The following RAB11FIP4 variants were observed in gnomAD, a reference collection of about 807,000 sequenced individuals.
The protein encoded by RAB11FIP4 is rab11 family-interacting protein 4.
A neutral mutation model predicts 74.3 loss-of-function variants in RAB11FIP4; 23 were observed. The ratio of observed to expected loss-of-function variants is 0.31; its 90% confidence interval spans 0.22 to 0.44. The LOEUF (loss-of-function observed/expected upper bound fraction) is 0.44, where lower values mean the gene tolerates loss of function less well. Ranked by LOEUF, RAB11FIP4 falls within the 20% of genes least tolerant of loss-of-function variation. The probability of loss-of-function intolerance (pLI) is 1.00; values close to 1 mark genes in which losing one functional copy is unlikely to be tolerated. For missense variants in RAB11FIP4, 630 were observed against 863.9 expected, an observed-to-expected ratio of 0.73 and a Z score of 3.39; for synonymous variants, 360 against 359.9, an observed-to-expected ratio of 1.00 and a Z score of 0.00.
At chr17:31,469,300 G>A (rs1392613537) in intron 3 of RAB11FIP4, among the ~76,000 whole-genome samples, 1 of 152,080 alleles carries the variant, frequency 6.6e-6, no homozygotes, top group African/African-American at 2.4e-5. Context: ...CACACACATA[G>A]GCAGGTCCAA....
chr17:31,514,995 G>T (rs566430013), intron 3 of RAB11FIP4, among the ~76,000 whole-genome samples: 1 of 152,300 alleles, frequency 6.6e-6, no homozygotes, highest in Admixed American at 6.5e-5. Context: ...CAGGCGGGGT[G>T]GGGGGCCCTG....
chr17:31,462,224 C>G (rs1015756047), intron 3 of RAB11FIP4, among the ~76,000 whole-genome samples: 12 of 151,850 alleles, frequency 7.9e-5, no homozygotes, highest in African/African-American at 2.9e-4. Flanking sequence ...CGAGATCGTG[C>G]CACCACACTC....
At position 31,512,677 on chromosome 17, in the gene RAB11FIP4, C is replaced by T. The variant is rs886332429; in HGVS notation, c.337-4974C>T. On this transcript the variant is annotated intron_variant, in intron 3 of 14. Coordinates refer to ENST00000621161, the MANE Select transcript of RAB11FIP4 (RefSeq NM_032932.6). The surrounding 1 kb of genome is among the most constrained non-coding windows in gnomAD (Gnocchi z 4.1). ...CTGGCAAGTCAGACTGTGCCAGAGA[C>T]GATGCCCGGTGCTGCCTCCTGAGGA... 1.3e-5 allele frequency among the ~76,000 whole-genome samples: 2 copies of T among 152,204 alleles called. No homozygotes were observed. Among genetic ancestry groups the T allele is most frequent in the South Asian group, 2.1e-4 (1 of 4,826 alleles).
intron 3 of RAB11FIP4, among the ~76,000 whole-genome samples, chr17:31,496,341 C>G (rs962600230): frequency 6.6e-6 from 1 of 152,212 alleles, no homozygotes; most frequent in Non-Finnish European, 1.5e-5. Context: ...CCACAGTTGT[C>G]ATGGCTGTGT....
chr17:31,510,948 G>A (rs1398398958), intron 3 of RAB11FIP4, among the ~76,000 whole-genome samples: 1 of 152,140 alleles, frequency 6.6e-6, no homozygotes, highest in African/African-American at 2.4e-5. Context: ...TTGAGTCCTG[G>A]GAGTTTGAAG....
chr17:31,515,196 T>G (rs2072523780), intron 3 of RAB11FIP4, among the ~76,000 whole-genome samples: 1 of 152,160 alleles, frequency 6.6e-6, no homozygotes, highest in Admixed American at 6.5e-5. Context: ...CTGGTTTCCT[T>G]TTGTTTCTAC....
At chr17:31,476,172 CTTTTTTTTTTTT>C (rs71369069) in intron 3 of RAB11FIP4, among the ~76,000 whole-genome samples, 22 of 63,532 alleles carry the variant, frequency 3.5e-4, no homozygotes, top group East Asian at 5.9e-4. Context: ...ATCGACTGAA[CTTTTTTTTTTTT>C]TTTTTTTTTT....
At chr17:31,505,445 AT>A (rs1234704498) in intron 3 of RAB11FIP4, among the ~76,000 whole-genome samples, 2,883 of 91,750 alleles carry the variant, frequency 0.031, 251 homozygotes, top group African/African-American at 0.13. Flanking sequence ...ATTATATAAT[AT>A]ATAATAATTA....
chr17:31,406,178 G>A (rs898996157), intron 1 of RAB11FIP4, among the ~76,000 whole-genome samples: 26 of 152,374 alleles, frequency 1.7e-4, no homozygotes, highest in African/African-American at 5.5e-4. Flanking sequence ...TCTGGAGCCA[G>A]GCTCACTGCA....
Position 31,425,580 on chromosome 17 carries a change from T to C in RAB11FIP4, c.160-6233T>C, listed in dbSNP as rs573302566. Reference sequence around the variant, plus strand: ...AAGAGATGTGACCCAGGGGACTGAGTGGGGGGAAAAAATCAGCTCAAAGAG... The same window carrying C: ...AAGAGATGTGACCCAGGGGACTGAGCGGGGGGAAAAAATCAGCTCAAAGAG... On this transcript the variant is annotated intron_variant, in intron 1 of 14. Transcript: ENST00000621161. Among the ~76,000 whole-genome samples, 52 of 151,784 alleles carry C rather than the reference T, an allele frequency of 3.4e-4. 1 individual carries two copies. The highest frequency in any genetic ancestry group is 1.2e-3 in the African/African-American group (48 of 41,370).
chr17:31,532,555 G>A lies in RAB11FIP4; in HGVS notation c.*823G>A, dbSNP rs2072889756. 6.6e-6 allele frequency: 1 copy of A among 152,570 alleles called. No homozygotes were observed. The highest frequency in any genetic ancestry group is 2.1e-4 in the South Asian group (1 of 4,832). The allele number at this position is 152,570 out of a possible 1,614,324, so 9.5% of individuals were successfully genotyped here. A position where few individuals can be genotyped will look rare whatever the true frequency, so the allele number is the denominator to read the frequency against. ...TTTGGGATGGGTGTCTAAGGCAGGA[G>A]TTGACATCGGGCAACCAAAGAAATG... On this transcript the variant is annotated 3_prime_UTR_variant, in exon 15 of 15. Transcript: ENST00000621161.
At chr17:31,504,775 G>T (rs1014148196) in intron 3 of RAB11FIP4, among the ~76,000 whole-genome samples, 1 of 152,002 alleles carries the variant, frequency 6.6e-6, no homozygotes, top group African/African-American at 2.4e-5. Flanking sequence ...TTTACAGCTG[G>T]TGGTGGTTTG....
intron 3 of RAB11FIP4, among the ~76,000 whole-genome samples, chr17:31,483,584 C>T (rs2071872058): frequency 6.6e-6 from 1 of 152,232 alleles, no homozygotes; most frequent in Non-Finnish European, 1.5e-5. Flanking sequence ...CCCTGGAGCA[C>T]ATCTTCCCTT....
chr17:31,396,717 A>T (rs2070935322), intron 1 of RAB11FIP4, among the ~76,000 whole-genome samples: 1 of 152,142 alleles, frequency 6.6e-6, no homozygotes, highest in Non-Finnish European at 1.5e-5. Context: ...TAGACATTGA[A>T]AGCAGCCAGA....
rs372759955 is a variant in RAB11FIP4, at chr17:31,454,703, G to C, written c.336+20581G>C. Among the ~76,000 whole-genome samples, 33 of 152,152 alleles carry C rather than the reference G, an allele frequency of 2.2e-4. No individual in the cohort carries two copies. In the South Asian group the frequency reaches 6.5e-3, roughly 30 times the overall value. ...CTTCAAGACCATCCTGGCCAACATG[G>C]TGAAACCCCGTCTCTACTAAAAATA... On this transcript the variant is annotated intron_variant, in intron 3 of 14. Transcript: ENST00000621161.
chr17:31,528,394 T>G lies in RAB11FIP4; in HGVS notation c.1357-12T>G. 6.2e-7 allele frequency: 1 copy of G among 1,611,112 alleles called. No individual in the cohort carries two copies. Among genetic ancestry groups the G allele is most frequent in the Non-Finnish European group, 8.5e-7 (1 of 1,179,522 alleles). On this transcript the variant is annotated splice_polypyrimidine_tract_variant and intron_variant, in intron 11 of 14. Coordinates refer to ENST00000621161, the MANE Select transcript of RAB11FIP4 (RefSeq NM_032932.6). ...GGAACTCTCCTCCCCTGATCGGGTCTCCCTGCTCCAGGAGCGGCAGCGCAT... is the reference window on the plus strand; with the variant it reads ...GGAACTCTCCTCCCCTGATCGGGTCGCCCTGCTCCAGGAGCGGCAGCGCAT...
At chr17:31,447,147 G>A (rs11651321) in intron 3 of RAB11FIP4, among the ~76,000 whole-genome samples, 2,875 of 152,346 alleles carry the variant, frequency 0.019, 45 homozygotes, top group South Asian at 0.037. Flanking sequence ...AGCCGGGCGT[G>A]GTGGTGGGCG....
chr17:31,524,877 A>T, intron 9 of RAB11FIP4: 1 of 633,164 alleles, frequency 1.6e-6, no homozygotes, highest in Non-Finnish European at 2.7e-6. Context: ...CCACCTTCTG[A>T]CTGCCAGGCC....
chr17:31,402,815 C>A (rs975843274), intron 1 of RAB11FIP4, among the ~76,000 whole-genome samples: 1 of 151,180 alleles, frequency 6.6e-6, no homozygotes, highest in African/African-American at 2.4e-5. Flanking sequence ...TTAGTAGAGA[C>A]GGGGTTTCAC....
Sources: allele counts gnomAD v4.1 joint callset (sites outside exome capture counted in the v4.1 genomes callset), GRCh38; gene constraint gnomAD v4.1.1; non-coding constraint Gnocchi (gnomAD v3.1); transcripts MANE v1.5; gene names NCBI Gene and HGNC (gene_info 2026-07-23, HGNC 2026-07-21).